TYW3: variants seen among roughly 807,000 people sequenced by gnomAD.
The protein encoded by TYW3 is tRNA wybutosine-synthesizing protein 3 homolog.
In TYW3, 26 loss-of-function variants were observed where a neutral mutation model predicts 23.1. The observed-to-expected ratio is 1.13, with a 90% confidence interval of 0.83 to 1.56. The LOEUF (loss-of-function observed/expected upper bound fraction) is 1.56. TYW3 is among the 40% of genes most tolerant of loss of function. The probability of loss-of-function intolerance (pLI) is 0.00; values close to 1 mark genes in which losing one functional copy is unlikely to be tolerated. For missense variants in TYW3, 316 were observed against 311.9 expected, an observed-to-expected ratio of 1.01 and a Z score of -0.10; for synonymous variants, 102 against 105.7, an observed-to-expected ratio of 0.97 and a Z score of 0.21.
chr1:74,741,408 C>A (rs1371841391), intron 3 of TYW3, among the ~76,000 whole-genome samples: 4 of 152,036 alleles, frequency 2.6e-5, no homozygotes, highest in African/African-American at 9.7e-5. Flanking sequence ...CCCGCAGGTT[C>A]CTCCGGGGGT....
chr1:74,764,836 G>A lies in TYW3; in HGVS notation c.*723G>A, dbSNP rs1028332845. Reference sequence around the variant, plus strand: ...TCAGAAAACCTCTCGCAGACAAAGGGTATATAATGGATATGAGGCATCAAA... The same window carrying A: ...TCAGAAAACCTCTCGCAGACAAAGGATATATAATGGATATGAGGCATCAAA... On this transcript the variant is annotated 3_prime_UTR_variant, in exon 6 of 6. Transcript: ENST00000370867. The A allele has an allele frequency of 6.6e-6, 1 of 152,164 alleles. No individual in the cohort carries two copies. Among genetic ancestry groups the A allele is most frequent in the Non-Finnish European group, 1.5e-5 (1 of 68,058 alleles). The allele number at this position is 152,164 out of a possible 1,614,324, so 9.4% of individuals were successfully genotyped here. A position where few individuals can be genotyped will look rare whatever the true frequency, so the allele number is the denominator to read the frequency against.
chr1:74,764,092 C>G lies in TYW3; in HGVS notation c.759C>G (p.Thr253=), dbSNP rs750334405. 6.2e-7 allele frequency: 1 copy of G among 1,610,882 alleles called. No homozygotes were observed. Among genetic ancestry groups the G allele is most frequent in the Non-Finnish European group, 8.5e-7 (1 of 1,179,030 alleles). The change falls in exon 6 of 6, where the codon ACC becomes ACG. Residue 253 remains threonine (T), a synonymous_variant. Coordinates refer to ENST00000370867, the MANE Select transcript of TYW3 (RefSeq NM_138467.3). The stretch of plus-strand genomic sequence containing the variant: ...ATGATGATCTAGGAATCAATGTTAC[C>G]ATCTTCCCTGAAGATTACTAAGCTT... ...DDDDDLGINV[T]IFPEDY
chr1:74,733,479 T>G (rs1468942936), intron 1 of TYW3, 61 bp downstream of exon 1: 26 of 1,588,486 alleles, frequency 1.6e-5, no homozygotes, highest in Non-Finnish European at 2.2e-5. Context: ...AGGAGCCCTG[T>G]TCCCATCCAG....
chr1:74,762,125 A>G (rs1649156444), intron 5 of TYW3, among the ~76,000 whole-genome samples: 1 of 152,148 alleles, frequency 6.6e-6, no homozygotes, highest in South Asian at 2.1e-4. Flanking sequence ...CAAGCACAGC[A>G]CTAGATATCA....
chr1:74,745,991 A>G (rs1256565525), intron 3 of TYW3, among the ~76,000 whole-genome samples: 3 of 152,168 alleles, frequency 2.0e-5, no homozygotes, highest in African/African-American at 4.8e-5. Context: ...CATTTAACCT[A>G]ATTAACACCT....
At chr1:74,747,637 AAAAAAAAAAAAAAG>A (rs1226768722) in intron 3 of TYW3, among the ~76,000 whole-genome samples, 3 of 142,296 alleles carry the variant, frequency 2.1e-5, no homozygotes, top group Admixed American at 7.1e-5. Context: ...ACTCCGTCTC[AAAAAAAAAAAAAAG>A]AAAAAGAAAA....
chr1:74,759,882 T>C (rs1027294363), intron 5 of TYW3, among the ~76,000 whole-genome samples: 1 of 152,064 alleles, frequency 6.6e-6, no homozygotes, highest in Non-Finnish European at 1.5e-5. Flanking sequence ...TGGACTCAAG[T>C]GATTGCCCGC....
Position 74,760,063 on chromosome 1 carries a change from T to C in TYW3, c.561-3831T>C, listed in dbSNP as rs1387998218. ...ATTGTATGTTATATATATTGTGTAC[T>C]GTATTCTTACAATAAAGTAAGCTAG... On this transcript the variant is annotated intron_variant, in intron 5 of 5. Transcript: ENST00000370867. 2.6e-5 allele frequency among the ~76,000 whole-genome samples: 4 copies of C among 152,256 alleles called. No homozygotes were observed. In the East Asian group the frequency reaches 7.7e-4, roughly 29 times the overall value.
intron 3 of TYW3, among the ~76,000 whole-genome samples, chr1:74,743,291 C>A (rs1449807539): frequency 6.6e-6 from 1 of 152,146 alleles, no homozygotes; most frequent in Non-Finnish European, 1.5e-5. Context: ...ACTAAGTCTG[C>A]AGCCTTTCTC....
At chr1:74,759,903 C>G (rs192117827) in intron 5 of TYW3, among the ~76,000 whole-genome samples, 59 of 152,286 alleles carry the variant, frequency 3.9e-4, no homozygotes, top group Non-Finnish European at 4.1e-4. Flanking sequence ...CTTGGCCTCC[C>G]AAAGTGTTGG....
rs1648246542 is a variant in TYW3 at position 74,738,777 on chromosome 1, G to A, written c.343G>A (p.Ala115Thr). The A allele has an allele frequency of 6.2e-7, 1 of 1,608,404 alleles. No individual in the cohort carries two copies. Among genetic ancestry groups the A allele is most frequent in the South Asian group, 1.1e-5 (1 of 90,506 alleles). ...LHVQCRQLQD[A>T]QILHSMAIDS... ...TGTGCAGTGTCGACAATTGCAGGAT[G>A]CACAGATTCTGGTAAAATTTTGTTG... Residue 115 changes from alanine to threonine, a missense_variant, in exon 3 of 6, where the codon GCA (alanine) becomes ACA (threonine). Coordinates refer to ENST00000370867, the MANE Select transcript of TYW3 (RefSeq NM_138467.3).
chr1:74,738,762 C>A lies in TYW3; in HGVS notation c.328C>A (p.Arg110=), dbSNP rs755560668. ...ACCATTTGTTCTTCATGTGCAGTGT[C>A]GACAATTGCAGGATGCACAGATTCT... ...FEPFVLHVQC[R]QLQDAQILHS... is the part of the protein sequence containing the mutation. Residue 110 remains arginine (R), a synonymous_variant, in exon 3 of 6, where the codon CGA becomes AGA. Coordinates refer to ENST00000370867, the MANE Select transcript of TYW3 (RefSeq NM_138467.3). The A allele has an allele frequency of 1.2e-5, 19 of 1,610,186 alleles. No individual in the cohort carries two copies. Among genetic ancestry groups the A allele is most frequent in the Non-Finnish European group, 1.5e-5 (18 of 1,177,228 alleles).
chr1:74,751,855 T>C (rs942219888), intron 4 of TYW3, among the ~76,000 whole-genome samples: 1 of 152,172 alleles, frequency 6.6e-6, no homozygotes, highest in Non-Finnish European at 1.5e-5. Context: ...CTGTGTATGA[T>C]AGAGGAGGCA....
intron 3 of TYW3, among the ~76,000 whole-genome samples, chr1:74,746,698 A>T (rs757974383): frequency 2.0e-4 from 31 of 152,312 alleles, no homozygotes; most frequent in Non-Finnish European, 4.1e-4. Context: ...GCTGTGAAGG[A>T]GATAAGAAGG....
chr1:74,745,099 C>T (rs277400), intron 3 of TYW3, among the ~76,000 whole-genome samples: 56 of 151,552 alleles, frequency 3.7e-4, no homozygotes, highest in African/African-American at 1.3e-3. Flanking sequence ...TTAAAGGTGG[C>T]CCATCTGGAG....
intron 3 of TYW3, chr1:74,748,541 C>T: frequency 2.0e-6 from 1 of 505,146 alleles, no homozygotes; most frequent in Non-Finnish European, 3.5e-6. Context: ...TTCTCAATGA[C>T]ACATCCATAG....
intron 4 of TYW3, among the ~76,000 whole-genome samples, chr1:74,749,033 C>G (rs1182763920): frequency 6.6e-6 from 1 of 152,200 alleles, no homozygotes; most frequent in Non-Finnish European, 1.5e-5. Context: ...TTCTTCTCCA[C>G]TTACTTTTAA....
chr1:74,744,504 G>T (rs74605725), intron 3 of TYW3, among the ~76,000 whole-genome samples: 9,461 of 152,212 alleles, frequency 0.062, 369 homozygotes, highest in African/African-American at 0.09. Flanking sequence ...ACAGGTGTCT[G>T]GTATTTAGCC....
At chr1:74,752,516 A>G in intron 5 of TYW3, 91 bp downstream of exon 5, 3 of 1,094,080 alleles carry the variant, frequency 2.7e-6, no homozygotes, top group Non-Finnish European at 3.9e-6. Flanking sequence ...TATAATGCCA[A>G]CTGCTTATCT....
Sources: gnomAD v4.1 joint callset for allele counts (sites outside exome capture counted in the v4.1 genomes callset) on GRCh38, gnomAD v4.1.1 for gene constraint, MANE v1.5 for transcripts, NCBI Gene and HGNC (gene_info 2026-07-23, HGNC 2026-07-21) for gene names.